The following ASIC1 variants were observed in gnomAD, a reference collection of about 807,000 sequenced individuals.
ASIC1 encodes acid sensing ion channel subunit 1.
A neutral mutation model predicts 63.4 loss-of-function variants in ASIC1; 21 were observed. The ratio of observed to expected loss-of-function variants is 0.33; its 90% confidence interval spans 0.23 to 0.48. ASIC1 has a LOEUF of 0.48. Ranked by LOEUF, ASIC1 falls within the 20% of genes least tolerant of loss-of-function variation. ASIC1 has a pLI of 0.99. For synonymous variants in ASIC1, 258 were observed against 278.2 expected (o/e 0.93, Z 0.72); for missense variants, 478 against 695.5 (o/e 0.69, Z 3.52).
chr12:50,077,307 T>C lies in ASIC1; in HGVS notation c.653T>C (p.Leu218Pro). Residue 218 changes from leucine to proline, a missense_variant, in exon 4 of 12, where the codon CTG becomes CCG. Leu to Pro is a moderately conservative substitution (Grantham distance 98, BLOSUM62 -3). This residue lies in a region of ASIC1 where 290 missense variants were observed against 414.9 expected (regional missense o/e 0.70). Transcript: ENST00000447966. The part of the protein sequence containing the change: ...KTMKGGTGNG[L>P]EIMLDIQQDE... Reference sequence around the variant, plus strand: ...ATGAAGGGTGGGACGGGCAATGGGCTGGAAATCATGCTGGACATCCAGCAG... The same window carrying C: ...ATGAAGGGTGGGACGGGCAATGGGCCGGAAATCATGCTGGACATCCAGCAG... 1 of 1,614,130 alleles carries C rather than the reference T, an allele frequency of 6.2e-7. No homozygotes were observed. Among genetic ancestry groups the C allele is most frequent in the African/African-American group, 1.3e-5 (1 of 75,048 alleles).
chr12:50,073,920 T>A, intron 3 of ASIC1: 1 of 1,535,796 alleles, frequency 6.5e-7, no homozygotes, highest in South Asian at 1.2e-5. Flanking sequence ...ACCGCGTTGC[T>A]TATTACCTCA....
chr12:50,082,165 T>C lies in ASIC1; in HGVS notation c.*516T>C, dbSNP rs547170692. The C allele has an allele frequency of 6.3e-6, 1 of 158,132 alleles. No homozygotes were observed. Among genetic ancestry groups the C allele is most frequent in the East Asian group, 1.9e-4 (1 of 5,266 alleles). The allele number at this position is 158,132 out of a possible 1,614,324, so 9.8% of individuals were successfully genotyped here. On this transcript the variant is annotated 3_prime_UTR_variant, in exon 12 of 12. Coordinates refer to ENST00000447966, the MANE Select transcript of ASIC1 (RefSeq NM_001095.4). ...CAGTGACTGTCCCCAAACCCAAGTC[T>C]CCTGGCAGGAACTAAAACCTCAGCC...
At position 50,078,568 on chromosome 12, in the gene ASIC1, C is replaced by T. The variant is rs898358551; in HGVS notation, c.985C>T (p.His329Tyr). Residue 329 changes from histidine (H) to tyrosine (Y), a missense_variant, in exon 6 of 12, where the codon CAC becomes TAC. Coordinates refer to ENST00000447966, the MANE Select transcript of ASIC1 (RefSeq NM_001095.4). The surrounding 1 kb of genome is among the most constrained non-coding windows in gnomAD (Gnocchi z 6.0). Reference protein sequence around the residue: ...LVENCNCRMVHMPGDAPYCTP... With the variant: ...LVENCNCRMVYMPGDAPYCTP... ...GGAGAACTGCAACTGCCGCATGGTGCACATGCCAGGTCAGGCCTGGGGCTC... is the reference window on the plus strand; with the variant it reads ...GGAGAACTGCAACTGCCGCATGGTGTACATGCCAGGTCAGGCCTGGGGCTC... 1 of 1,614,080 alleles carries T rather than the reference C, an allele frequency of 6.2e-7. No homozygotes were observed. Among genetic ancestry groups the T allele is most frequent in the African/African-American group, 1.3e-5 (1 of 75,032 alleles).
At chr12:50,080,629 G>T (rs1244269190) in intron 9 of ASIC1, 40 bp downstream of exon 9, 1 of 1,614,042 alleles carries the variant, frequency 6.2e-7, no homozygotes, top group Non-Finnish European at 8.5e-7. Flanking sequence ...TCATGCCATG[G>T]GCATGGCGTG....
chr12:50,081,004 C>A, intron 9 of ASIC1, 98 bp from the exon 10 acceptor site: 1 of 1,124,984 alleles, frequency 8.9e-7, no homozygotes, highest in Non-Finnish European at 1.3e-6. Context: ...GGCTACCAAT[C>A]CCTTTGAGAA....
rs566394304 is a variant in ASIC1, at chr12:50,073,106, G to A, written c.559-4107G>A. On this transcript the variant is annotated intron_variant, in intron 3 of 11. Coordinates refer to ENST00000447966, the MANE Select transcript of ASIC1 (RefSeq NM_001095.4). ...ATGACAGAGAGCATGAGTGTGTGTT[G>A]TGTGTGTCCTGGGGGGGTAGGGACT... Among the ~76,000 whole-genome samples the A allele has an allele frequency of 1.1e-3, 171 of 152,252 alleles. 2 individuals are homozygous for A. The highest frequency in any genetic ancestry group is 3.9e-3 in the African/African-American group (163 of 41,548).
At chr12:50,075,915 C>T (rs1248441874) in intron 3 of ASIC1, among the ~76,000 whole-genome samples, 1 of 152,206 alleles carries the variant, frequency 6.6e-6, no homozygotes, top group Non-Finnish European at 1.5e-5. Context: ...CAGGGCTGCA[C>T]TGGGGCATGG....
chr12:50,059,656 C>A lies in ASIC1; in HGVS notation c.363-103C>A. The A allele has an allele frequency of 8.1e-7, 1 of 1,236,844 alleles. No individual in the cohort carries two copies. Among genetic ancestry groups the A allele is most frequent in the Non-Finnish European group, 1.1e-6 (1 of 882,526 alleles). 76.6% of individuals were successfully genotyped at this position (1,236,844 alleles called of 1,614,324 possible). ...CCCAGCTCTCCTTCCTTGCCTACAC[C>A]TGGGACTGATCCCCAGGGCTGGAGG... On this transcript the variant is annotated intron_variant, in intron 2 of 11. Transcript: ENST00000447966. The surrounding 1 kb of genome is among the most constrained non-coding windows in gnomAD (Gnocchi z 4.6).
chr12:50,081,907 C>T lies in ASIC1; in HGVS notation c.*258C>T, dbSNP rs914093564. The T allele has an allele frequency of 6.0e-6, 3 of 502,554 alleles. No homozygotes were observed. Among genetic ancestry groups the T allele is most frequent in the African/African-American group, 5.9e-5 (3 of 51,282 alleles). 31.1% of individuals were successfully genotyped at this position (502,554 alleles called of 1,614,324 possible). ...GCAAGGGACCTCAGGCTGCCCCTCT[C>T]TCCTCCATGCTGCCTCCCCTAGCTC... is the stretch of plus-strand genomic sequence containing the variant. On this transcript the variant is annotated 3_prime_UTR_variant, in exon 12 of 12. Transcript: ENST00000447966.
intron 3 of ASIC1, chr12:50,076,726 G>A: frequency 3.5e-6 from 1 of 283,258 alleles, no homozygotes; most frequent in South Asian, 3.4e-5. Context: ...CAGGGTTAAG[G>A]AAACCAATAA....
intron 3 of ASIC1, among the ~76,000 whole-genome samples, chr12:50,066,232 C>A (rs979622315): frequency 1.1e-4 from 16 of 152,192 alleles, no homozygotes; most frequent in African/African-American, 3.6e-4. Context: ...TTATTAACAT[C>A]TTCATTGGAA....
Position 50,059,232 on chromosome 12 carries a change from C to T in ASIC1, c.362+104C>T, listed in dbSNP as rs1454592743. 3.7e-5 allele frequency: 55 copies of T among 1,469,128 alleles called. No individual in the cohort carries two copies. The highest frequency in any genetic ancestry group is 5.0e-5 in the Non-Finnish European group (55 of 1,098,912). 91.0% of individuals were successfully genotyped at this position (1,469,128 alleles called of 1,614,324 possible). ...ACCATAGAGCCCAGCCAACCCTGCCCTTTAACCCACCCCCACCCCCAAACC... is the reference window on the plus strand; with the variant it reads ...ACCATAGAGCCCAGCCAACCCTGCCTTTTAACCCACCCCCACCCCCAAACC... On this transcript the variant is annotated intron_variant, in intron 2 of 11. Transcript: ENST00000447966. This position sits in a 1 kb window ranked among gnomAD's most constrained non-coding sequence, Gnocchi z 4.6.
intron 3 of ASIC1, among the ~76,000 whole-genome samples, chr12:50,067,185 C>T (rs892166929): frequency 6.6e-6 from 1 of 152,134 alleles, no homozygotes; most frequent in Non-Finnish European, 1.5e-5. Context: ...TTACAAAGTT[C>T]CTAAAAGTGA....
chr12:50,080,565 G>A lies in ASIC1; in HGVS notation c.1273G>A (p.Ala425Thr), dbSNP rs1297607799. Reference protein sequence around the residue: ...LNYETIEQKKAYEIAGLLGDI... With the variant: ...LNYETIEQKKTYEIAGLLGDI... The stretch of plus-strand genomic sequence containing the variant: ...CTATGAGACCATTGAACAGAAGAAG[G>A]CCTATGAGATTGCAGGGCTCCTGGG... Residue 425 changes from alanine to threonine, a missense_variant, in exon 9 of 12, where the codon GCC becomes ACC. Physicochemically the swap from Ala to Thr is moderately conservative, Grantham distance 58. Coordinates refer to ENST00000447966, the MANE Select transcript of ASIC1 (RefSeq NM_001095.4). 1 of 1,614,180 alleles carries A rather than the reference G, an allele frequency of 6.2e-7. No homozygotes were observed. Among genetic ancestry groups the A allele is most frequent in the Non-Finnish European group, 8.5e-7 (1 of 1,180,030 alleles).
Position 50,065,074 on chromosome 12 carries a change from C to T in ASIC1, c.558+5120C>T, listed in dbSNP as rs140957654. On this transcript the variant is annotated intron_variant, in intron 3 of 11. Coordinates refer to ENST00000447966, the MANE Select transcript of ASIC1 (RefSeq NM_001095.4). ...ATCTCCCCAGCCAAACTCAGCCTCT[C>T]GGAAAATGCCAGGTTCATAGAATAT... is the stretch of plus-strand genomic sequence containing the variant. Among the ~76,000 whole-genome samples, 592 of 152,276 alleles carry T rather than the reference C, an allele frequency of 3.9e-3. 1 individual carries two copies. Among genetic ancestry groups the T allele is most frequent in the African/African-American group, 0.013 (551 of 41,528 alleles).
chr12:50,078,457 G>A lies in ASIC1; in HGVS notation c.874G>A (p.Ala292Thr). ...YLPPPWGTCK[A>T]VTMDSDLDFF... ...GCCCCCACCCTGGGGCACCTGCAAAGCTGTTACCATGGACTCGGATTTGGA... is the reference window on the plus strand; with the variant it reads ...GCCCCCACCCTGGGGCACCTGCAAAACTGTTACCATGGACTCGGATTTGGA... The change falls in exon 6 of 12, where the codon GCT (alanine) becomes ACT (threonine). Residue 292 changes from alanine to threonine, a missense_variant. Ala to Thr is a moderately conservative substitution (Grantham distance 58, BLOSUM62 0). This residue lies in a region of ASIC1 where 290 missense variants were observed against 414.9 expected (regional missense o/e 0.70). Coordinates refer to ENST00000447966, the MANE Select transcript of ASIC1 (RefSeq NM_001095.4). This position sits in a 1 kb window ranked among gnomAD's most constrained non-coding sequence, Gnocchi z 6.0. 10 of 1,614,060 alleles carry A rather than the reference G, an allele frequency of 6.2e-6. 1 individual carries two copies. The highest frequency in any genetic ancestry group is 2.2e-5 in the South Asian group (2 of 91,080).
rs1159913186 is a variant in ASIC1 at position 50,058,907 on chromosome 12, C to T, written c.141C>T (p.Ala47=). 1.2e-6 allele frequency: 2 copies of T among 1,614,110 alleles called. No individual in the cohort carries two copies. Among genetic ancestry groups the T allele is most frequent in the Non-Finnish European group, 1.7e-6 (2 of 1,180,010 alleles). The change falls in exon 2 of 12, where the codon GCC becomes GCT. Residue 47 remains alanine (A), a synonymous_variant. Coordinates refer to ENST00000447966, the MANE Select transcript of ASIC1 (RefSeq NM_001095.4). The stretch of plus-strand genomic sequence containing the variant: ...TGTCTCTGAAGCGGGCACTGTGGGC[C>T]CTGTGCTTCCTGGGCTCCCTGGCTG... The part of the protein sequence containing the change: ...ERLSLKRALW[A]LCFLGSLAVL...
At chr12:50,077,894 C>T in intron 4 of ASIC1, 106 bp from the exon 5 acceptor site, 1 of 1,502,236 alleles carries the variant, frequency 6.7e-7, no homozygotes, top group Non-Finnish European at 8.9e-7. Context: ...CACCCCAGCC[C>T]CAGTGCACCC....
chr12:50,068,916 C>T (rs1950571449), intron 3 of ASIC1, among the ~76,000 whole-genome samples: 1 of 152,094 alleles, frequency 6.6e-6, no homozygotes, highest in South Asian at 2.1e-4. Flanking sequence ...TTCCAGCAGC[C>T]CTTCTATATC....
Sources: allele counts gnomAD v4.1 joint callset (sites outside exome capture counted in the v4.1 genomes callset), GRCh38; gene constraint gnomAD v4.1.1; regional missense constraint gnomAD v4.1.1; non-coding constraint Gnocchi (gnomAD v3.1); transcripts MANE v1.5; gene names NCBI Gene and HGNC (gene_info 2026-07-23, HGNC 2026-07-21).